The following SGCD variants were observed in gnomAD, a reference collection of about 807,000 sequenced individuals.
The protein encoded by SGCD is sarcoglycan delta, also known as delta-sarcoglycan.
SGCD carries 18 observed loss-of-function variants against 36.6 expected under a neutral mutation model. The ratio of observed to expected loss-of-function variants is 0.49; its 90% confidence interval spans 0.34 to 0.73. The LOEUF (loss-of-function observed/expected upper bound fraction) is 0.73, where lower values mean the gene tolerates loss of function less well. Ranked by LOEUF, SGCD falls within the 30% of genes least tolerant of loss-of-function variation. The pLI is 0.01. For synonymous variants in SGCD, 133 were observed against 130.6 expected (o/e 1.02, Z -0.12); for missense variants, 387 against 346.7 (o/e 1.12, Z -0.92).
chr5:156,528,703 T>C (rs144352066), intron 4 of SGCD, among the ~76,000 whole-genome samples: 62 of 152,278 alleles, frequency 4.1e-4, no homozygotes, highest in Middle Eastern at 3.4e-3. Context: ...AGGTAATAAG[T>C]TTCATCTTTA....
intron 3 of SGCD, among the ~76,000 whole-genome samples, chr5:156,192,635 A>G (rs1763920259): frequency 1.3e-5 from 2 of 152,038 alleles, no homozygotes; most frequent in Admixed American, 1.3e-4. Context: ...GTTCTACAAT[A>G]CAAAGAAATG....
the SGCD span, among the ~76,000 whole-genome samples, chr5:155,857,145 G>A: frequency 1.3e-5 from 2 of 152,182 alleles, no homozygotes; most frequent in African/African-American, 4.8e-5. Flanking sequence ...GCTGAGGCAG[G>A]AGAATTGCTT....
At chr5:156,139,903 T>C (rs151128442) in intron 3 of SGCD, among the ~76,000 whole-genome samples, 4 of 152,266 alleles carry the variant, frequency 2.6e-5, no homozygotes, top group Non-Finnish European at 4.4e-5. Context: ...AGGAATGAGA[T>C]TGACACCTTT....
chr5:156,055,344 G>T (rs1442775471), intron 1 of SGCD, among the ~76,000 whole-genome samples: 2 of 145,452 alleles, frequency 1.4e-5, no homozygotes, highest in Non-Finnish European at 3.1e-5. Flanking sequence ...TTCTAAATTG[G>T]GTCTCTTCCA....
intron 3 of SGCD, among the ~76,000 whole-genome samples, chr5:156,478,234 A>C (rs1755273767): frequency 6.6e-6 from 1 of 152,120 alleles, no homozygotes; most frequent in African/African-American, 2.4e-5. Flanking sequence ...ACTAAGATTG[A>C]TAAGGGACCT....
Position 156,761,389 on chromosome 5 carries a change from G to C in SGCD, c.*1999G>C, listed in dbSNP as rs894301211. On this transcript the variant is annotated 3_prime_UTR_variant, in exon 9 of 9. Transcript: ENST00000337851. ...CTCTTAGGGGTGAGACCCCGTGATT[G>C]GTTGGTTTGTAGCACTAAGGTCTAA... 3 of 152,148 alleles carry C rather than the reference G, an allele frequency of 2.0e-5. No individual in the cohort carries two copies. The highest frequency in any genetic ancestry group is 2.0e-4 in the Admixed American group (3 of 15,264). The allele number at this position is 152,148 out of a possible 1,614,324, so 9.4% of individuals were successfully genotyped here.
rs757399291 is a variant in SGCD at position 156,300,223 on chromosome 5, T to TTTTA, written c.-43-29295_-43-29292dup. Among the ~76,000 whole-genome samples the TTTTA allele has an allele frequency of 5.8e-4, 89 of 152,174 alleles. 1 individual carries two copies. The Middle Eastern group carries it at 0.024, about 41-fold the overall frequency. Reference sequence around the variant, plus strand: ...ATCATTAGATTATGTAAGTGTTTCCTTTTATTTATTTATTTATTTTTGTAG... The same window carrying TTTTA: ...ATCATTAGATTATGTAAGTGTTTCCTTTTATTTATTTATTTATTTATTTTTGTAG... On this transcript the variant is annotated intron_variant, in intron 3 of 9. Coordinates refer to the SGCD transcript ENST00000517913.
At chr5:156,161,274 G>A (rs1763081673) in intron 3 of SGCD, among the ~76,000 whole-genome samples, 2 of 151,726 alleles carry the variant, frequency 1.3e-5, no homozygotes, top group African/African-American at 2.4e-5. Flanking sequence ...GTAGGATGGA[G>A]AACAAGAAAA....
At chr5:155,899,586 T>C (rs1756342299) in intron 1 of SGCD, among the ~76,000 whole-genome samples, 1 of 152,206 alleles carries the variant, frequency 6.6e-6, no homozygotes, top group South Asian at 2.1e-4. Flanking sequence ...AAGCATGCTT[T>C]AGATTAGAAA....
chr5:156,568,201 T>C (rs1029957772), intron 4 of SGCD, among the ~76,000 whole-genome samples: 15 of 152,010 alleles, frequency 9.9e-5, no homozygotes, highest in African/African-American at 3.6e-4. Flanking sequence ...CTGGCCAACA[T>C]GGTGAAACCT....
chr5:156,088,811 TTTTAA>T (rs1433576930), intron 1 of SGCD, among the ~76,000 whole-genome samples: 13 of 152,234 alleles, frequency 8.5e-5, no homozygotes, highest in Non-Finnish European at 1.3e-4. Flanking sequence ...TTAAGTAGTA[TTTTAA>T]TCTCTTCTTT....
At chr5:155,941,301 C>T (rs767101506) in intron 1 of SGCD, among the ~76,000 whole-genome samples, 2 of 152,146 alleles carry the variant, frequency 1.3e-5, no homozygotes, top group Non-Finnish European at 2.9e-5. Flanking sequence ...GTTTCCAATG[C>T]ATGAACTTTT....
intron 7 of SGCD, among the ~76,000 whole-genome samples, chr5:156,709,213 C>T (rs899983420): frequency 6.6e-6 from 1 of 152,148 alleles, no homozygotes; most frequent in Non-Finnish European, 1.5e-5. Flanking sequence ...GGACAATATG[C>T]AGAGGTCATG....
chr5:156,725,649 T>C (rs535666800), intron 7 of SGCD, among the ~76,000 whole-genome samples: 1 of 152,238 alleles, frequency 6.6e-6, no homozygotes, highest in African/African-American at 2.4e-5. Flanking sequence ...CCAACAGAGA[T>C]TGGCCAATTC....
At chr5:156,286,134 A>C (rs1766590430) in intron 3 of SGCD, among the ~76,000 whole-genome samples, 1 of 152,198 alleles carries the variant, frequency 6.6e-6, no homozygotes, top group Non-Finnish European at 1.5e-5. Flanking sequence ...ATACCATCTC[A>C]CACCAGTTAG....
At chr5:156,244,349 A>G (rs1321633482) in intron 3 of SGCD, among the ~76,000 whole-genome samples, 1 of 152,206 alleles carries the variant, frequency 6.6e-6, no homozygotes, top group Non-Finnish European at 1.5e-5. Flanking sequence ...ACATTTTGGG[A>G]CAATTGGCAA....
intron 4 of SGCD, among the ~76,000 whole-genome samples, chr5:156,552,244 G>A (rs1758830322): frequency 6.6e-6 from 1 of 152,134 alleles, no homozygotes; most frequent in Admixed American, 6.5e-5. Context: ...GAGCCTATAA[G>A]GCAAATGTGT....
intron 2 of SGCD, among the ~76,000 whole-genome samples, chr5:156,334,284 A>G (rs557901791): frequency 2.6e-5 from 4 of 152,296 alleles, no homozygotes; most frequent in East Asian, 1.9e-4. Context: ...TGCCACTACT[A>G]TTAGGAAAGC....
chr5:155,955,292 G>A (rs1291558584), intron 1 of SGCD, among the ~76,000 whole-genome samples: 1 of 152,148 alleles, frequency 6.6e-6, no homozygotes, highest in Non-Finnish European at 1.5e-5. Flanking sequence ...GATTTAGTAA[G>A]TAAATGAATT....
Sources: allele counts gnomAD v4.1 joint callset (sites outside exome capture counted in the v4.1 genomes callset), GRCh38; gene constraint gnomAD v4.1.1; transcripts MANE v1.5; gene names NCBI Gene and HGNC (gene_info 2026-07-23, HGNC 2026-07-21).